The following HCCS variants were observed in gnomAD, a reference collection of about 807,000 sequenced individuals.
HCCS encodes holocytochrome c-type synthase.
Under a neutral mutation model 24.2 loss-of-function variants are expected in HCCS, and 2 were observed. That is an observed-to-expected ratio of 0.08 (90% CI 0.03 to 0.26). The LOEUF (loss-of-function observed/expected upper bound fraction) is 0.26, where lower values mean the gene tolerates loss of function less well. Among genes scored for constraint, HCCS ranks in the 10% least tolerant of loss-of-function variants. The probability of loss-of-function intolerance (pLI) is 1.00; values close to 1 mark genes in which losing one functional copy is unlikely to be tolerated. For synonymous variants in HCCS, 73 were observed against 76.2 expected, an observed-to-expected ratio of 0.96 and a Z score of 0.22; for missense variants, 150 against 213.3, an observed-to-expected ratio of 0.70 and a Z score of 1.85.
chrX:11,120,798 T>C, intron 5 of HCCS, 109 bp from the exon 6 acceptor site: 1 of 616,466 alleles, frequency 1.6e-6, no homozygotes, highest in South Asian at 2.2e-5. Context: ...TGTTATATTA[T>C]GTGAAATGTA....
intron 1 of HCCS, 104 bp from the exon 2 acceptor site, chrX:11,111,915 T>G (rs2045410828): frequency 1.9e-6 from 1 of 513,903 alleles, no homozygotes; most frequent in Non-Finnish European, 3.5e-6. Context: ...GCCTGGTAGA[T>G]GCCCATGGGA....
At chrX:11,115,756 G>A (rs984765801) in intron 3 of HCCS, among the ~76,000 whole-genome samples, 42 of 112,099 alleles carry the variant, frequency 3.7e-4, no homozygotes, top group African/African-American at 1.3e-3. Context: ...CTTGCACATA[G>A]GCCTTCAAAT....
chrX:11,121,881 T>A lies in HCCS; in HGVS notation c.*71T>A. 1.2e-6 allele frequency: 1 copy of A among 863,113 alleles called. No homozygotes were observed. The highest frequency in any genetic ancestry group is 1.7e-6 in the Non-Finnish European group (1 of 593,359). 71.1% of individuals were successfully genotyped at this position (863,113 alleles called of 1,213,427 possible). On this transcript the variant is annotated 3_prime_UTR_variant, in exon 7 of 7. Coordinates refer to ENST00000380762, the MANE Select transcript of HCCS (RefSeq NM_005333.5). ...ATACATTAAACTATTTTCCCCAGATTGAATTGCACTCATGATGTAATGGGA... is the reference window on the plus strand; with the variant it reads ...ATACATTAAACTATTTTCCCCAGATAGAATTGCACTCATGATGTAATGGGA...
At chrX:11,119,248 G>A (rs899286095) in intron 5 of HCCS, among the ~76,000 whole-genome samples, 2 of 111,885 alleles carry the variant, frequency 1.8e-5, no homozygotes, top group African/African-American at 6.5e-5. Context: ...TCCCTCAATA[G>A]CATTTATTGA....
At chrX:11,117,234 T>A in intron 3 of HCCS, 33 bp from the exon 4 acceptor site, 1 of 1,174,425 alleles carries the variant, frequency 8.5e-7, no homozygotes, top group Non-Finnish European at 1.2e-6. Flanking sequence ...TTACTTTATA[T>A]CCTATAAAAG....
intron 6 of HCCS, 21 bp from the exon 7 acceptor site, chrX:11,121,591 A>G: frequency 8.5e-7 from 1 of 1,176,722 alleles, no homozygotes; most frequent in Non-Finnish European, 1.2e-6. Flanking sequence ...TTTAACACTC[A>G]GTGGCATGTT....
Position 11,118,614 on chromosome X carries a change from A to G in HCCS, c.515A>G (p.His172Arg). The change falls in exon 5 of 7, where the codon CAT becomes CGT. Residue 172 changes from histidine to arginine, a missense_variant. Transcript: ENST00000380762. ...WKEILKWEALHAAECPCGPSL... is the reference protein window; with the variant it reads ...WKEILKWEALRAAECPCGPSL... ...GAGATTTTGAAGTGGGAAGCCCTTC[A>G]TGCTGCGTAAGTATGTTTGAGATCT... 1 of 1,207,819 alleles carries G rather than the reference A, an allele frequency of 8.3e-7. No individual in the cohort carries two copies.
intron 3 of HCCS, among the ~76,000 whole-genome samples, chrX:11,116,767 C>T (rs750432716): frequency 1.3e-4 from 15 of 112,272 alleles, no homozygotes; most frequent in East Asian, 2.8e-4. Flanking sequence ...CTTCTGACCT[C>T]GCAGCGTTGA....
At chrX:11,113,582 C>T (rs2045427964) in intron 2 of HCCS, among the ~76,000 whole-genome samples, 1 of 112,117 alleles carries the variant, frequency 8.9e-6, no homozygotes, top group African/African-American at 3.3e-5. Context: ...AGGTGTGCTC[C>T]TGTTCTGAGT....
chrX:11,111,355 A>AGGCGGTGGCGGCGGCGGCGGCGGC lies in HCCS; in HGVS notation c.-201_-200insTGGCGGCGGCGGCGGCGGCGGCGG, dbSNP rs2045405939. On this transcript the variant is annotated 5_prime_UTR_variant, in exon 1 of 7. Coordinates refer to ENST00000380762, the MANE Select transcript of HCCS (RefSeq NM_005333.5). ...CCACAGCGGTGACCGAGTGAGAGGA[A>AGGCGGTGGCGGCGGCGGCGGCGGC]GGCGGCGGCGGCGGCGGCGGCGGCG... 6.2e-6 allele frequency: 1 copy of AGGCGGTGGCGGCGGCGGCGGCGGC among 160,110 alleles called. No individual in the cohort carries two copies. The highest frequency in any genetic ancestry group is 3.3e-5 in the African/African-American group (1 of 30,187). 13.2% of individuals were successfully genotyped at this position (160,110 alleles called of 1,213,427 possible).
intron 6 of HCCS, among the ~76,000 whole-genome samples, chrX:11,121,274 A>G (rs2045489558): frequency 8.9e-6 from 1 of 112,483 alleles, no homozygotes; most frequent in African/African-American, 3.2e-5. Context: ...GGGTTTATGC[A>G]CTTAGCCATC....
intron 3 of HCCS, 87 bp downstream of exon 3, chrX:11,115,073 T>G: frequency 1.4e-6 from 1 of 735,196 alleles, no homozygotes; most frequent in Non-Finnish European, 2.1e-6. Context: ...ATGGCTAGGA[T>G]GAATTCTTCT....
intron 5 of HCCS, among the ~76,000 whole-genome samples, 179 bp from the exon 6 acceptor site, chrX:11,120,728 A>T (rs2045485292): frequency 8.9e-6 from 1 of 111,915 alleles, no homozygotes; most frequent in South Asian, 3.7e-4. Flanking sequence ...AAAGAGGAAC[A>T]TTTTTAACAA....
Position 11,122,014 on chromosome X carries a change from T to G in HCCS, c.*204T>G, listed in dbSNP as rs1602707294. On this transcript the variant is annotated 3_prime_UTR_variant, in exon 7 of 7. Transcript: ENST00000380762. ...GCAGTTTATAGCAGATCATTTTGTTTTCTTCCTACTTAGCTTAAGTGGGAA... is the reference window on the plus strand; with the variant it reads ...GCAGTTTATAGCAGATCATTTTGTTGTCTTCCTACTTAGCTTAAGTGGGAA... 4.8e-6 allele frequency: 2 copies of G among 416,217 alleles called. No homozygotes were observed. The highest frequency in any genetic ancestry group is 3.9e-5 in the East Asian group (1 of 25,450). 34.3% of individuals were successfully genotyped at this position (416,217 alleles called of 1,213,427 possible).
At chrX:11,118,699 T>C in intron 5 of HCCS, 79 bp downstream of exon 5, 1 of 1,025,415 alleles carries the variant, frequency 9.8e-7, no homozygotes, top group East Asian at 3.0e-5. Flanking sequence ...AACATTCAAA[T>C]CATTTGTTCT....
In HCCS at chrX:11,118,611, T is replaced by G. The variant is rs2045467129; in HGVS notation, c.512T>G (p.Leu171Arg). ...AWKEILKWEA[L>R]HAAECPCGPS... ...AAGGAGATTTTGAAGTGGGAAGCCC[T>G]TCATGCTGCGTAAGTATGTTTGAGA... The change falls in exon 5 of 7, where the codon CTT becomes CGT. Residue 171 changes from leucine (L) to arginine (R), a missense_variant. By Grantham distance (102) the Leu-to-Arg change is moderately radical. Transcript: ENST00000380762. The G allele has an allele frequency of 8.3e-7, 1 of 1,206,390 alleles. No individual in the cohort carries two copies. Among genetic ancestry groups the G allele is most frequent in the Admixed American group, 2.2e-5 (1 of 45,792 alleles).
chrX:11,112,828 T>C (rs1025271357), intron 2 of HCCS, among the ~76,000 whole-genome samples: 17 of 112,445 alleles, frequency 1.5e-4, no homozygotes, highest in Non-Finnish European at 2.6e-4. Flanking sequence ...TCTGGAGGCA[T>C]TTTTGGTTGT....
At chrX:11,116,013 C>T (rs889843943) in intron 3 of HCCS, 13 of 112,016 alleles carry the variant, frequency 1.2e-4, no homozygotes, top group African/African-American at 3.9e-4. Context: ...TAGACACTTA[C>T]CCCATGGGAT....
At chrX:11,119,150 G>C (rs144616822) in intron 5 of HCCS, among the ~76,000 whole-genome samples, 265 of 112,064 alleles carry the variant, frequency 2.4e-3, no homozygotes, top group African/African-American at 8.2e-3. Context: ...AGCAGAAGGA[G>C]CATTACAGCC....
Sources: gnomAD v4.1 joint callset for allele counts (sites outside exome capture counted in the v4.1 genomes callset) on GRCh38, gnomAD v4.1.1 for gene constraint, MANE v1.5 for transcripts, NCBI Gene and HGNC (gene_info 2026-07-23, HGNC 2026-07-21) for gene names.